HSD11B1L: variants seen among roughly 807,000 people sequenced by gnomAD.
The protein encoded by HSD11B1L is hydroxysteroid 11-beta-dehydrogenase 1-like protein.
Under a neutral mutation model 27.0 loss-of-function variants are expected in HSD11B1L, and 22 were observed. The ratio of observed to expected loss-of-function variants is 0.81; its 90% CI spans 0.58 to 1.16. The LOEUF is 1.16. HSD11B1L is among the 50% of genes most tolerant of loss of function. HSD11B1L has a pLI of 0.00. For missense variants in HSD11B1L, 372 were observed against 401.8 expected, an observed-to-expected ratio of 0.93 and a Z score of 0.63; for synonymous variants, 187 against 189.2, an observed-to-expected ratio of 0.99 and a Z score of 0.09.
intron 1 of HSD11B1L, among the ~76,000 whole-genome samples, chr19:5,682,499 G>T: frequency 6.6e-6 from 1 of 152,114 alleles, no homozygotes; most frequent in East Asian, 1.9e-4. Context: ...AGCTCGTGGG[G>T]GTGAAAGGAT....
In HSD11B1L at chr19:5,687,962, C is replaced by T. The variant is rs1211117204; in HGVS notation, c.*17C>T. ...GCAGCCTGAGCACCGGGGGGTGCCC[C>T]TCCAGTCCCAGACGGCAATGTTCCT... On this transcript the variant is annotated 3_prime_UTR_variant, in exon 8 of 8. Transcript: ENST00000339423. This position sits in a 1 kb window ranked among gnomAD's most constrained non-coding sequence, Gnocchi z 6.6. 1.3e-6 allele frequency: 2 copies of T among 1,556,940 alleles called. No homozygotes were observed. Among genetic ancestry groups the T allele is most frequent in the African/African-American group, 1.4e-5 (1 of 73,350 alleles).
intron 1 of HSD11B1L, among the ~76,000 whole-genome samples, chr19:5,682,120 G>C (rs182585873): frequency 2.7e-4 from 41 of 152,362 alleles, no homozygotes; most frequent in Admixed American, 9.8e-4. Flanking sequence ...GGATAGACAG[G>C]TAGTCAGGGG....
chr19:5,682,317 G>C (rs537690955), intron 1 of HSD11B1L, among the ~76,000 whole-genome samples: 1 of 152,272 alleles, frequency 6.6e-6, no homozygotes, highest in East Asian at 1.9e-4. Flanking sequence ...CCAGTGTGGA[G>C]GTGGGGGAGA....
At position 5,687,566 on chromosome 19, in the gene HSD11B1L, T is replaced by A; in HGVS notation, c.566T>A (p.Phe189Tyr). Residue 189 changes from phenylalanine to tyrosine, a missense_variant, in exon 7 of 8, where the codon TTC becomes TAC. By Grantham distance (22) the Phe-to-Tyr change is conservative. Transcript: ENST00000339423. This position sits in a 1 kb window ranked among gnomAD's most constrained non-coding sequence, Gnocchi z 6.6. The part of the protein sequence containing the change: ...SAAKFALDGF[F>Y]GSLRRELDVQ... Reference sequence around the variant, plus strand: ...GCCAAGTTTGCGCTGGACGGCTTCTTCGGCTCCCTGCGGCGGGAGCTGGAC... The same window carrying A: ...GCCAAGTTTGCGCTGGACGGCTTCTACGGCTCCCTGCGGCGGGAGCTGGAC... 6.2e-7 allele frequency: 1 copy of A among 1,600,128 alleles called. No homozygotes were observed.
Position 5,687,895 on chromosome 19 carries a change from C to T in HSD11B1L, c.811C>T (p.Arg271Trp). The T allele has an allele frequency of 1.3e-6, 2 of 1,578,894 alleles. No individual in the cohort carries two copies. The highest frequency in any genetic ancestry group is 1.1e-5 in the South Asian group (1 of 87,208). ...GCTCCGGCGCTGGCTACCGCGCCCG[C>T]GGGCCTGGTTTATCCGCCAGGAGCT... The part of the protein sequence containing the change: ...CLLRRWLPRP[R>W]AWFIRQELNV... The change falls in exon 8 of 8, where the codon CGG (arginine) becomes TGG (tryptophan). Residue 271 changes from arginine to tryptophan, a missense_variant. Physicochemically the swap from Arg to Trp is moderately radical, Grantham distance 101 (BLOSUM62 -3). Coordinates refer to ENST00000339423, the MANE Select transcript of HSD11B1L (RefSeq NM_198706.3). The surrounding 1 kb of genome is among the most constrained non-coding windows in gnomAD (Gnocchi z 6.6).
chr19:5,681,884 C>T (rs2054562947), intron 1 of HSD11B1L, among the ~76,000 whole-genome samples: 2 of 152,262 alleles, frequency 1.3e-5, no homozygotes, highest in African/African-American at 2.4e-5. Flanking sequence ...CCCATCCGTC[C>T]ACCCGTCAGT....
chr19:5,687,464 G>A lies in HSD11B1L; in HGVS notation c.503-39G>A. The A allele has an allele frequency of 1.9e-6, 3 of 1,588,310 alleles. No homozygotes were observed. Among genetic ancestry groups the A allele is most frequent in the Non-Finnish European group, 1.7e-6 (2 of 1,172,336 alleles). ...GAGGGTCTGGGCAGGCTTCCCGGAC[G>A]AGGGGGAGCCACTCAGCCGCTGCCG... On this transcript the variant is annotated intron_variant, in intron 6 of 7. Transcript: ENST00000339423. This position sits in a 1 kb window ranked among gnomAD's most constrained non-coding sequence, Gnocchi z 6.6.
rs753361319 is a variant in HSD11B1L, at chr19:5,685,029, C to T, written c.114C>T (p.Asn38=). 15 of 1,579,006 alleles carry T rather than the reference C, an allele frequency of 9.5e-6. No individual in the cohort carries two copies. Among genetic ancestry groups the T allele is most frequent in the East Asian group, 2.3e-5 (1 of 42,562 alleles). ...QGARVLLTGA[N]AGVGEELAYH... is the part of the protein sequence containing the mutation. The stretch of plus-strand genomic sequence containing the variant: ...CGCGAGTGCTGCTGACAGGGGCCAA[C>T]GCTGGTGTTGGTGAGGAGCTGGCCT... The change falls in exon 3 of 8, where the codon AAC becomes AAT. Residue 38 remains asparagine, a synonymous_variant. Transcript: ENST00000339423. The surrounding 1 kb of genome is among the most constrained non-coding windows in gnomAD (Gnocchi z 4.3).
In HSD11B1L at chr19:5,688,102, C is replaced by T; in HGVS notation, c.*157C>T. 1 of 1,551,514 alleles carries T rather than the reference C, an allele frequency of 6.4e-7. No individual in the cohort carries two copies. The highest frequency in any genetic ancestry group is 1.4e-5 in the African/African-American group (1 of 73,172). On this transcript the variant is annotated 3_prime_UTR_variant, in exon 8 of 8. Transcript: ENST00000339423. ...GCAAAACCGAGAAAAACGACGGGCA[C>T]CTGGAACCAGTCACGGCTTGGGAGG...
At position 5,685,378 on chromosome 19, in the gene HSD11B1L, C is replaced by G. The variant is rs181872990; in HGVS notation, c.204+259C>G. On this transcript the variant is annotated intron_variant, in intron 3 of 7. Transcript: ENST00000339423. This position sits in a 1 kb window ranked among gnomAD's most constrained non-coding sequence, Gnocchi z 4.3. ...ATCACCTGAGGTCAGGAGTTCAAGA[C>G]CAGCCTGGCCAACATGGCGAAACCT... The G allele has an allele frequency of 1.7e-6, 1 of 604,832 alleles. No individual in the cohort carries two copies. Among genetic ancestry groups the G allele is most frequent in the South Asian group, 1.5e-5 (1 of 65,320 alleles). 37.5% of individuals were successfully genotyped at this position (604,832 alleles called of 1,614,324 possible).
chr19:5,681,820 C>T (rs1290601662), intron 1 of HSD11B1L, among the ~76,000 whole-genome samples: 2 of 152,238 alleles, frequency 1.3e-5, no homozygotes, highest in African/African-American at 4.8e-5. Context: ...CCCATCCATC[C>T]TTCTATCTAT....
rs1274035275 is a variant in HSD11B1L, at chr19:5,685,264, T to C, written c.204+145T>C. The stretch of plus-strand genomic sequence containing the variant: ...CTCTCTGAGCCTCTCAGTTTCCTCA[T>C]TTGCAAAACGGGGACAATAAAACCA... On this transcript the variant is annotated intron_variant, in intron 3 of 7. Coordinates refer to ENST00000339423, the MANE Select transcript of HSD11B1L (RefSeq NM_198706.3). This position sits in a 1 kb window ranked among gnomAD's most constrained non-coding sequence, Gnocchi z 4.3. 1 of 1,131,952 alleles carries C rather than the reference T, an allele frequency of 8.8e-7. No homozygotes were observed. The highest frequency in any genetic ancestry group is 1.3e-6 in the Non-Finnish European group (1 of 778,726). 70.1% of individuals were successfully genotyped at this position (1,131,952 alleles called of 1,614,324 possible).
intron 1 of HSD11B1L, among the ~76,000 whole-genome samples, chr19:5,682,159 G>A (rs1190882824): frequency 6.6e-6 from 1 of 152,252 alleles, no homozygotes; most frequent in African/African-American, 2.4e-5. Context: ...ATGGGGTGCA[G>A]TGAGGAGCCT....
Position 5,685,163 on chromosome 19 carries a change from G to C in HSD11B1L, c.204+44G>C, listed in dbSNP as rs1368786576. The C allele has an allele frequency of 7.2e-6, 11 of 1,537,554 alleles. No individual in the cohort carries two copies. Among genetic ancestry groups the C allele is most frequent in the South Asian group, 1.2e-5 (1 of 84,038 alleles). On this transcript the variant is annotated intron_variant, in intron 3 of 7. Transcript: ENST00000339423. The surrounding 1 kb of genome is among the most constrained non-coding windows in gnomAD (Gnocchi z 4.3). ...AGATGAATGGTGGGGGTGCTCATGG[G>C]GGGTGGGAAGAGAGCCTGGGTTTAA...
chr19:5,682,085 T>TA (rs770431514), intron 1 of HSD11B1L, among the ~76,000 whole-genome samples: 8 of 152,204 alleles, frequency 5.3e-5, no homozygotes, highest in Non-Finnish European at 1.2e-4. Context: ...ACTGAACGAT[T>TA]CATAGATGGG....
intron 1 of HSD11B1L, among the ~76,000 whole-genome samples, chr19:5,683,208 CAAAA>C (rs1168433209): frequency 9.8e-5 from 5 of 51,098 alleles, no homozygotes; most frequent in Non-Finnish European, 2.2e-4. Flanking sequence ...AACTCAGTCT[CAAAA>C]AAAAAAAAAA....
In HSD11B1L at chr19:5,688,038, G is replaced by A. The variant is rs1052624677; in HGVS notation, c.*93G>A. On this transcript the variant is annotated 3_prime_UTR_variant, in exon 8 of 8. Coordinates refer to ENST00000339423, the MANE Select transcript of HSD11B1L (RefSeq NM_198706.3). Reference sequence around the variant, plus strand: ...ACACTCACAGAGACACCCCTGAGAGGGTGGCCACAGCCCAAGATGAAGTCA... The same window carrying A: ...ACACTCACAGAGACACCCCTGAGAGAGTGGCCACAGCCCAAGATGAAGTCA... 1 of 1,551,448 alleles carries A rather than the reference G, an allele frequency of 6.4e-7. No individual in the cohort carries two copies. Among genetic ancestry groups the A allele is most frequent in the African/African-American group, 1.4e-5 (1 of 73,060 alleles).
At chr19:5,686,826 G>A in intron 4 of HSD11B1L, 74 bp from the exon 5 acceptor site, 1 of 1,282,824 alleles carries the variant, frequency 7.8e-7, no homozygotes, top group Non-Finnish European at 1.1e-6. Context: ...TCTGGGTGGA[G>A]CTAAGCTCGG....
rs1214341881 is a variant in HSD11B1L, at chr19:5,688,136, C to A, written c.*191C>A. ...AGTCACGGCTTGGGAGGTGCAGGTG[C>A]CCCGTGTTAGGCGCCTTTGTCGGGG... On this transcript the variant is annotated 3_prime_UTR_variant, in exon 8 of 8. Coordinates refer to ENST00000339423, the MANE Select transcript of HSD11B1L (RefSeq NM_198706.3). 1 of 1,551,202 alleles carries A rather than the reference C, an allele frequency of 6.4e-7. No homozygotes were observed. The highest frequency in any genetic ancestry group is 2.0e-5 in the Admixed American group (1 of 51,004).
Sources: allele counts gnomAD v4.1 joint callset (sites outside exome capture counted in the v4.1 genomes callset), GRCh38; gene constraint gnomAD v4.1.1; non-coding constraint Gnocchi (gnomAD v3.1); transcripts MANE v1.5; gene names NCBI Gene and HGNC (gene_info 2026-07-23, HGNC 2026-07-21).